The following WARS1 variants were observed in gnomAD, a reference collection of about 807,000 sequenced individuals.
The protein encoded by WARS1 is tryptophan--tRNA ligase, cytoplasmic.
A neutral mutation model predicts 47.8 loss-of-function variants in WARS1; 17 were observed. The ratio of observed to expected loss-of-function variants is 0.36; its 90% CI spans 0.24 to 0.53. The LOEUF is 0.53. Ranked by LOEUF, WARS1 falls within the 20% of genes least tolerant of loss-of-function variation. The probability of loss-of-function intolerance (pLI) is 0.91; values close to 1 mark genes in which losing one functional copy is unlikely to be tolerated. For missense variants in WARS1, 434 were observed against 608.0 expected, an observed-to-expected ratio of 0.71 and a Z score of 3.01; for synonymous variants, 208 against 228.1, an observed-to-expected ratio of 0.91 and a Z score of 0.79.
intron 4 of WARS1, among the ~76,000 whole-genome samples, chr14:100,356,554 A>C (rs1325453290): frequency 1.3e-5 from 2 of 152,192 alleles, no homozygotes; most frequent in Non-Finnish European, 2.9e-5. Flanking sequence ...CCTTGATGAA[A>C]TAGACAAATT....
chr14:100,362,695 G>A (rs562611877), intron 2 of WARS1, among the ~76,000 whole-genome samples: 1 of 152,302 alleles, frequency 6.6e-6, no homozygotes, highest in Admixed American at 6.5e-5. Context: ...CTCTATTCTG[G>A]TAATTGGCCT....
intron 3 of WARS1, among the ~76,000 whole-genome samples, chr14:100,361,116 T>C (rs957857040): frequency 1.3e-5 from 2 of 152,256 alleles, no homozygotes; most frequent in African/African-American, 4.8e-5. Flanking sequence ...TTTTCCCTCA[T>C]TGATAGTCTA....
At chr14:100,344,302 C>T (rs1241150152) in intron 7 of WARS1, among the ~76,000 whole-genome samples, 1 of 152,188 alleles carries the variant, frequency 6.6e-6, no homozygotes, top group Non-Finnish European at 1.5e-5. Context: ...CCGGGCTGGT[C>T]TCCAGCTCCT....
intron 4 of WARS1, among the ~76,000 whole-genome samples, chr14:100,357,186 G>C (rs1025923092): frequency 6.6e-6 from 1 of 152,128 alleles, no homozygotes; most frequent in African/African-American, 2.4e-5. Flanking sequence ...TGTATATTCA[G>C]TCTTTACTGA....
intron 2 of WARS1, among the ~76,000 whole-genome samples, chr14:100,364,147 A>G (rs1254356479): frequency 3.3e-5 from 5 of 152,182 alleles, no homozygotes; most frequent in African/African-American, 1.2e-4. Flanking sequence ...TATGATCAGC[A>G]TGTTTTTCTA....
Position 100,334,661 on chromosome 14 carries a change from A to G in WARS1, c.*214T>C. 1 of 498,730 alleles carries G rather than the reference A, an allele frequency of 2.0e-6. No individual in the cohort carries two copies. Among genetic ancestry groups the G allele is most frequent in the Non-Finnish European group, 3.5e-6 (1 of 286,532 alleles). 30.9% of individuals were successfully genotyped at this position (498,730 alleles called of 1,614,324 possible). On this transcript the variant is annotated 3_prime_UTR_variant, in exon 11 of 11. Transcript: ENST00000392882. ...TCTATCCGACCATGCAATGTTAGCCAGCACCAATTACCCACAATGCTTTGC... is the reference window on the plus strand; with the variant it reads ...TCTATCCGACCATGCAATGTTAGCCGGCACCAATTACCCACAATGCTTTGC...
At chr14:100,345,269 TG>T (rs1894519138) in intron 7 of WARS1, among the ~76,000 whole-genome samples, 1 of 151,892 alleles carries the variant, frequency 6.6e-6, no homozygotes, top group African/African-American at 2.4e-5. Flanking sequence ...ATCGGATGGT[TG>T]CCGTGTCTGT....
At chr14:100,339,564 C>T (rs1161454794) in intron 9 of WARS1, among the ~76,000 whole-genome samples, 1 of 116,810 alleles carries the variant, frequency 8.6e-6, no homozygotes, top group Non-Finnish European at 1.6e-5. Context: ...GCACTCCAGC[C>T]TGGGCGACAG....
chr14:100,368,587 T>C (rs540319500), intron 2 of WARS1: 186 of 426,806 alleles, frequency 4.4e-4, no homozygotes, highest in African/African-American at 3.3e-3. Context: ...GGAGGGCCAC[T>C]GTATTTCACA....
At chr14:100,361,120 T>C (rs753734567) in intron 3 of WARS1, among the ~76,000 whole-genome samples, 6 of 152,378 alleles carry the variant, frequency 3.9e-5, no homozygotes, top group Non-Finnish European at 7.3e-5. Context: ...CCCTCATTGA[T>C]AGTCTATACT....
intron 5 of WARS1, 152 bp from the exon 6 acceptor site, chr14:100,354,021 T>C (rs761360709): frequency 1.0e-5 from 7 of 688,172 alleles, no homozygotes; most frequent in East Asian, 2.7e-5. Flanking sequence ...AATTTGACTA[T>C]GGATAATGAT....
intron 1 of WARS1, among the ~76,000 whole-genome samples, chr14:100,374,478 G>A (rs1190538864): frequency 6.6e-6 from 1 of 152,216 alleles, no homozygotes; most frequent in African/African-American, 2.4e-5. Context: ...TTCCACTGTG[G>A]TGGAGGAGCA....
intron 8 of WARS1, 34 bp downstream of exon 8, chr14:100,343,241 A>C: frequency 6.4e-7 from 1 of 1,562,028 alleles, no homozygotes; most frequent in Non-Finnish European, 8.7e-7. Context: ...TCAATGCCCC[A>C]GACTTAGAGA....
At position 100,344,935 on chromosome 14, in the gene WARS1, C is replaced by G. The variant is rs999254380; in HGVS notation, c.827-1548G>C. 3.0e-4 allele frequency among the ~76,000 whole-genome samples: 45 copies of G among 151,234 alleles called. 1 individual carries two copies. Among genetic ancestry groups the G allele is most frequent in the South Asian group, 1.9e-3 (9 of 4,764 alleles). The stretch of plus-strand genomic sequence containing the variant: ...GAGCGTCTCCGCCCAGCAGCCACCC[C>G]GTCCTGGAGGGAGGTGGGGGGTCAG... On this transcript the variant is annotated intron_variant, in intron 7 of 10. Coordinates refer to ENST00000392882, the MANE Select transcript of WARS1 (RefSeq NM_004184.4).
intron 6 of WARS1, among the ~76,000 whole-genome samples, chr14:100,347,840 G>C (rs1032769901): frequency 6.6e-6 from 1 of 152,228 alleles, no homozygotes; most frequent in Non-Finnish European, 1.5e-5. Flanking sequence ...GCCTCCCAAA[G>C]TGCTGGGATT....
In WARS1 at chr14:100,355,158, C is replaced by G. The variant is rs570995492; in HGVS notation, c.423-592G>C. Among the ~76,000 whole-genome samples, 14 of 152,280 alleles carry G rather than the reference C, an allele frequency of 9.2e-5. No homozygotes were observed. In the East Asian group the frequency reaches 2.7e-3, roughly 29 times the overall value. ...CTGCTTCCAATCACAGCTGCCTGCG[C>G]CCCACCTCCAGAGACTGATTCAATG... On this transcript the variant is annotated intron_variant, in intron 4 of 10. Transcript: ENST00000392882.
intron 6 of WARS1, among the ~76,000 whole-genome samples, chr14:100,351,590 A>C (rs1206566694): frequency 6.6e-6 from 1 of 152,014 alleles, no homozygotes; most frequent in Non-Finnish European, 1.5e-5. Flanking sequence ...TATGACACAC[A>C]GCCACTAAAC....
intron 3 of WARS1, among the ~76,000 whole-genome samples, chr14:100,361,308 G>A (rs892732090): frequency 3.3e-5 from 5 of 152,224 alleles, no homozygotes; most frequent in Admixed American, 6.5e-5. Context: ...AGAAGTCACT[G>A]CTCTTAAGCT....
chr14:100,348,013 T>G (rs181789065), intron 6 of WARS1, among the ~76,000 whole-genome samples: 8 of 152,340 alleles, frequency 5.3e-5, no homozygotes, highest in African/African-American at 1.9e-4. Flanking sequence ...TGGCAGGAGC[T>G]GTGCTAGATG....
Sources: gnomAD v4.1 joint callset for allele counts (sites outside exome capture counted in the v4.1 genomes callset) on GRCh38, gnomAD v4.1.1 for gene constraint, MANE v1.5 for transcripts, NCBI Gene and HGNC (gene_info 2026-07-23, HGNC 2026-07-21) for gene names.